Variants in CDKAL1 observed in about 807,000 individuals in gnomAD.
CDKAL1 encodes CDKAL1 threonylcarbamoyladenosine tRNA methylthiotransferase.
A neutral mutation model predicts 68.2 loss-of-function variants in CDKAL1; 32 were observed. The ratio of observed to expected loss-of-function variants is 0.47; its 90% CI spans 0.35 to 0.63. The LOEUF (loss-of-function observed/expected upper bound fraction) is 0.63, where lower values mean the gene tolerates loss of function less well. Among genes scored for constraint, CDKAL1 ranks in the 30% least tolerant of loss-of-function variants. CDKAL1 has a pLI of 0.00. For missense variants in CDKAL1, 606 were observed against 696.7 expected, an observed-to-expected ratio of 0.87 and a Z score of 1.47; for synonymous variants, 234 against 244.3, an observed-to-expected ratio of 0.96 and a Z score of 0.39.
chr6:21,230,969 C>T lies in CDKAL1; in HGVS notation c.1670C>T (p.Ala557Val), dbSNP rs747005469. 4.3e-5 allele frequency: 69 copies of T among 1,613,690 alleles called. 1 individual carries two copies. Among genetic ancestry groups the T allele is most frequent in the South Asian group, 3.5e-4 (32 of 91,026 alleles). Residue 557 changes from alanine (A) to valine (V), a missense_variant, in exon 16 of 16, where the codon GCG becomes GTG. By Grantham distance (64) the Ala-to-Val change is moderately conservative. Transcript: ENST00000274695. ...LPMPRLHQDC[A>V]LRMSVGLALL... Reference sequence around the variant, plus strand: ...ATGCCAAGGCTACATCAAGACTGTGCGCTGAGGATGTCCGTGGGCTTGGCT... The same window carrying T: ...ATGCCAAGGCTACATCAAGACTGTGTGCTGAGGATGTCCGTGGGCTTGGCT...
At chr6:21,003,359 T>TACACAC (rs1767539381) in intron 11 of CDKAL1, among the ~76,000 whole-genome samples, 3 of 51,904 alleles carry the variant, frequency 5.8e-5, no homozygotes, top group African/African-American at 4.2e-4. Context: ...TATATATATA[T>TACACAC]ATATATATAT....
At chr6:21,122,772 G>A (rs1042499291) in intron 13 of CDKAL1, among the ~76,000 whole-genome samples, 1 of 150,496 alleles carries the variant, frequency 6.6e-6, no homozygotes, top group Non-Finnish European at 1.5e-5. Context: ...GAGTAGCTAG[G>A]ATACAGGCAC....
At chr6:20,657,362 C>A (rs531436409) in intron 5 of CDKAL1, among the ~76,000 whole-genome samples, 1 of 152,164 alleles carries the variant, frequency 6.6e-6, no homozygotes, top group Non-Finnish European at 1.5e-5. Context: ...TAAAGATTTA[C>A]AGCAGTGGGG....
At chr6:20,668,934 T>G (rs1294562084) in intron 5 of CDKAL1, among the ~76,000 whole-genome samples, 1 of 152,194 alleles carries the variant, frequency 6.6e-6, no homozygotes, top group Non-Finnish European at 1.5e-5. Context: ...TCAGATGCTA[T>G]GCATTTTATC....
At chr6:20,848,081 T>C (rs930654183) in intron 9 of CDKAL1, among the ~76,000 whole-genome samples, 9 of 152,174 alleles carry the variant, frequency 5.9e-5, no homozygotes, top group Admixed American at 3.9e-4. Context: ...AGTTACAAAG[T>C]TCATACTCCT....
At chr6:21,056,351 T>C (rs1190839596) in intron 11 of CDKAL1, among the ~76,000 whole-genome samples, 1 of 152,140 alleles carries the variant, frequency 6.6e-6, no homozygotes, top group Non-Finnish European at 1.5e-5. Flanking sequence ...TAGGAATGCT[T>C]GTGATTTTTG....
chr6:20,921,944 C>T (rs1762975538), intron 9 of CDKAL1, among the ~76,000 whole-genome samples: 1 of 152,138 alleles, frequency 6.6e-6, no homozygotes, highest in Non-Finnish European at 1.5e-5. Context: ...GATGCCAGGC[C>T]TGATTTGCAG....
intron 5 of CDKAL1, among the ~76,000 whole-genome samples, chr6:20,715,684 AG>A (rs1772058157): frequency 6.6e-6 from 1 of 152,154 alleles, no homozygotes; most frequent in South Asian, 2.1e-4. Flanking sequence ...ACAGTGCACA[AG>A]GGTTCTCTTT....
chr6:20,699,696 G>A (rs969175010), intron 5 of CDKAL1, among the ~76,000 whole-genome samples: 1 of 152,088 alleles, frequency 6.6e-6, no homozygotes, highest in African/African-American at 2.4e-5. Context: ...GAGAATAAAA[G>A]CTCGTCAAGC....
intron 2 of CDKAL1, among the ~76,000 whole-genome samples, chr6:20,541,658 T>G (rs903071547): frequency 1.3e-5 from 2 of 152,004 alleles, no homozygotes; most frequent in Non-Finnish European, 2.9e-5. Flanking sequence ...AGTCTGTGAT[T>G]GACAGTCTTT....
intron 12 of CDKAL1, among the ~76,000 whole-genome samples, chr6:21,094,911 T>G (rs4401656): frequency 0.35 from 53,642 of 152,150 alleles, 10,158 homozygotes; most frequent in East Asian, 0.63. Context: ...TTTAAAATTA[T>G]CACAATCAGG....
At chr6:20,589,695 T>G (rs1396548357) in intron 4 of CDKAL1, among the ~76,000 whole-genome samples, 1 of 132,242 alleles carries the variant, frequency 7.6e-6, no homozygotes. Flanking sequence ...TGTAATTATT[T>G]TATTAGTTTT....
intron 5 of CDKAL1, among the ~76,000 whole-genome samples, chr6:20,706,450 A>G (rs1270593741): frequency 6.6e-6 from 1 of 152,226 alleles, no homozygotes; most frequent in Non-Finnish European, 1.5e-5. Flanking sequence ...CCACCCTTAC[A>G]TTTTGAGTAA....
chr6:20,632,464 C>T (rs2127742758), intron 4 of CDKAL1, among the ~76,000 whole-genome samples: 1 of 152,322 alleles, frequency 6.6e-6, no homozygotes, highest in East Asian at 1.9e-4. Context: ...ACCATCTTTG[C>T]TTCAGAGAAT....
At chr6:21,161,309 G>A (rs544621786) in intron 13 of CDKAL1, among the ~76,000 whole-genome samples, 2 of 152,214 alleles carry the variant, frequency 1.3e-5, no homozygotes, top group South Asian at 4.1e-4. Flanking sequence ...TTTCAATACA[G>A]CACCAGATCA....
intron 9 of CDKAL1, among the ~76,000 whole-genome samples, chr6:20,862,694 C>T (rs576421862): frequency 2.6e-5 from 4 of 152,128 alleles, no homozygotes; most frequent in Admixed American, 6.5e-5. Context: ...CGCATATACC[C>T]ATATACTCTC....
chr6:20,964,630 C>T (rs1368784524), intron 10 of CDKAL1, among the ~76,000 whole-genome samples: 1 of 152,100 alleles, frequency 6.6e-6, no homozygotes, highest in South Asian at 2.1e-4. Flanking sequence ...GGGAACAACA[C>T]ACACTGGGGC....
chr6:20,660,727 T>A (rs1279082169), intron 5 of CDKAL1, among the ~76,000 whole-genome samples: 2 of 152,226 alleles, frequency 1.3e-5, no homozygotes, highest in African/African-American at 4.8e-5. Context: ...CACACAATTA[T>A]AATTACTCAA....
chr6:20,849,495 A>G (rs1758888776), intron 9 of CDKAL1, among the ~76,000 whole-genome samples: 2 of 150,670 alleles, frequency 1.3e-5, no homozygotes, highest in Non-Finnish European at 3.0e-5. Flanking sequence ...AGGCAGGAGA[A>G]TGGCGTGAAC....
Sources: gnomAD v4.1 joint callset for allele counts (sites outside exome capture counted in the v4.1 genomes callset) on GRCh38, gnomAD v4.1.1 for gene constraint, MANE v1.5 for transcripts, NCBI Gene and HGNC (gene_info 2026-07-23, HGNC 2026-07-21) for gene names.